Variants in GUCY1A2 observed in about 807,000 individuals in gnomAD.
GUCY1A2 encodes the protein guanylate cyclase soluble subunit alpha-2.
Under a neutral mutation model 63.5 loss-of-function variants are expected in GUCY1A2, and 27 were observed. That is an observed-to-expected ratio of 0.43 (90% CI 0.31 to 0.59). The LOEUF (loss-of-function observed/expected upper bound fraction) is 0.59, where lower values mean the gene tolerates loss of function less well. Among genes scored for constraint, GUCY1A2 ranks in the 20% least tolerant of loss-of-function variants. The probability of loss-of-function intolerance (pLI) is 0.11; values close to 1 mark genes in which losing one functional copy is unlikely to be tolerated. For missense variants in GUCY1A2, 768 were observed against 913.3 expected, an observed-to-expected ratio of 0.84 and a Z score of 2.05; for synonymous variants, 364 against 343.5, an observed-to-expected ratio of 1.06 and a Z score of -0.66.
At chr11:106,700,082 T>A (rs1862793139) in intron 7 of GUCY1A2, among the ~76,000 whole-genome samples, 1 of 152,220 alleles carries the variant, frequency 6.6e-6, no homozygotes, top group Non-Finnish European at 1.5e-5. Context: ...ATACTCTTCA[T>A]TTCATATCTA....
intron 7 of GUCY1A2, among the ~76,000 whole-genome samples, chr11:106,688,899 G>A (rs1408063578): frequency 6.6e-6 from 1 of 152,180 alleles, no homozygotes; most frequent in Non-Finnish European, 1.5e-5. Flanking sequence ...ACCCAGTGAG[G>A]TAAGAATGAG....
At chr11:107,007,330 G>C (rs963222616) in intron 1 of GUCY1A2, among the ~76,000 whole-genome samples, 5 of 152,132 alleles carry the variant, frequency 3.3e-5, no homozygotes, top group African/African-American at 4.8e-5. Flanking sequence ...AATAGTGAAA[G>C]AATGCTCTAG....
At chr11:106,691,452 C>T (rs1488277506) in intron 7 of GUCY1A2, among the ~76,000 whole-genome samples, 3 of 152,204 alleles carry the variant, frequency 2.0e-5, no homozygotes, top group Admixed American at 2.0e-4. Flanking sequence ...ACTCTCTTCT[C>T]CCTATCTTTT....
At chr11:106,780,539 G>A (rs1346566006) in intron 5 of GUCY1A2, among the ~76,000 whole-genome samples, 1 of 152,074 alleles carries the variant, frequency 6.6e-6, no homozygotes, top group Non-Finnish European at 1.5e-5. Context: ...GGAACTAGTC[G>A]CCACAGCAAA....
At chr11:106,845,027 C>T (rs778686579) in intron 4 of GUCY1A2, among the ~76,000 whole-genome samples, 1 of 151,572 alleles carries the variant, frequency 6.6e-6, no homozygotes, top group Non-Finnish European at 1.5e-5. Context: ...ATTTCCTTCA[C>T]CTAAAGTTAC....
chr11:106,801,020 C>T (rs551173408), intron 5 of GUCY1A2, among the ~76,000 whole-genome samples: 11 of 152,202 alleles, frequency 7.2e-5, no homozygotes, highest in Admixed American at 1.3e-4. Flanking sequence ...GTTAGAAACA[C>T]GGTTTTTCTT....
At chr11:106,942,041 A>T (rs944675551) in intron 3 of GUCY1A2, among the ~76,000 whole-genome samples, 13 of 152,356 alleles carry the variant, frequency 8.5e-5, no homozygotes, top group African/African-American at 2.9e-4. Flanking sequence ...CAGAATAGAC[A>T]ATAATAGTAC....
intron 4 of GUCY1A2, among the ~76,000 whole-genome samples, chr11:106,874,839 A>C (rs2135466792): frequency 6.6e-6 from 1 of 152,246 alleles, no homozygotes; most frequent in South Asian, 2.1e-4. Context: ...TTTCTCCCTA[A>C]GCAGAAATTA....
At chr11:107,010,739 T>A (rs920641290) in intron 1 of GUCY1A2, among the ~76,000 whole-genome samples, 4 of 152,276 alleles carry the variant, frequency 2.6e-5, no homozygotes, top group African/African-American at 7.2e-5. Flanking sequence ...ACTTTTTTTT[T>A]ACTTTTTTTG....
At chr11:106,921,458 A>C (rs1346541865) in intron 4 of GUCY1A2, among the ~76,000 whole-genome samples, 1 of 152,164 alleles carries the variant, frequency 6.6e-6, no homozygotes, top group Non-Finnish European at 1.5e-5. Flanking sequence ...GTTTAAAAAA[A>C]AACTGCTACT....
chr11:106,686,204 T>C lies in GUCY1A2; in HGVS notation c.*1345A>G. Reference sequence around the variant, plus strand: ...ACACCTGATGCTCCTAATTTTAGTGTGAGCCAGTAATATTTTCATGCAGTA... The same window carrying C: ...ACACCTGATGCTCCTAATTTTAGTGCGAGCCAGTAATATTTTCATGCAGTA... On this transcript the variant is annotated 3_prime_UTR_variant, in exon 8 of 8. Transcript: ENST00000526355. The C allele has an allele frequency of 4.6e-6, 1 of 217,598 alleles. No homozygotes were observed. Among genetic ancestry groups the C allele is most frequent in the Non-Finnish European group, 9.2e-6 (1 of 108,174 alleles). The allele number at this position is 217,598 out of a possible 1,614,324, so 13.5% of individuals were successfully genotyped here.
At chr11:106,826,787 A>C in intron 4 of GUCY1A2, 1 of 1,610,762 alleles carries the variant, frequency 6.2e-7, no homozygotes, top group Non-Finnish European at 8.5e-7. Flanking sequence ...ATCTGCTGCC[A>C]GACTGGGCTC....
chr11:106,826,566 T>A (rs1057093506), intron 4 of GUCY1A2: 10 of 1,601,272 alleles, frequency 6.2e-6, no homozygotes, highest in Non-Finnish European at 8.6e-6. Context: ...TGTATTCTTG[T>A]CCTTTGGTAC....
At chr11:106,875,191 C>A (rs548802478) in intron 4 of GUCY1A2, among the ~76,000 whole-genome samples, 2 of 152,156 alleles carry the variant, frequency 1.3e-5, no homozygotes, top group African/African-American at 4.8e-5. Flanking sequence ...TATGACTCAG[C>A]AAATTACCAG....
chr11:106,954,382 C>T (rs1426618075), intron 3 of GUCY1A2, among the ~76,000 whole-genome samples: 4 of 151,804 alleles, frequency 2.6e-5, no homozygotes, highest in Non-Finnish European at 4.4e-5. Context: ...GAAACTGTTA[C>T]GATTTCAGTT....
At chr11:106,699,543 G>A (rs1191956459) in intron 7 of GUCY1A2, among the ~76,000 whole-genome samples, 1 of 151,948 alleles carries the variant, frequency 6.6e-6, no homozygotes, top group African/African-American at 2.4e-5. Context: ...AGGAATTATC[G>A]ACATGAATAC....
chr11:107,010,684 A>G (rs958969827), intron 1 of GUCY1A2, among the ~76,000 whole-genome samples: 17 of 152,184 alleles, frequency 1.1e-4, no homozygotes, highest in African/African-American at 4.1e-4. Context: ...AAACATTAAT[A>G]AAATTGAACA....
At chr11:106,862,924 A>G (rs1859533280) in intron 4 of GUCY1A2, among the ~76,000 whole-genome samples, 1 of 152,052 alleles carries the variant, frequency 6.6e-6, no homozygotes, top group East Asian at 1.9e-4. Context: ...GAAAAATGCT[A>G]TGCTTTGTAA....
chr11:106,970,249 GA>G (rs1861176864), intron 3 of GUCY1A2, among the ~76,000 whole-genome samples: 1 of 152,082 alleles, frequency 6.6e-6, no homozygotes, highest in African/African-American at 2.4e-5. Context: ...AAGTTACACT[GA>G]AATTCCTAAA....
Sources: gnomAD v4.1 joint callset for allele counts (sites outside exome capture counted in the v4.1 genomes callset) on GRCh38, gnomAD v4.1.1 for gene constraint, MANE v1.5 for transcripts, NCBI Gene and HGNC (gene_info 2026-07-23, HGNC 2026-07-21) for gene names.